HACE1: variants seen among roughly 807,000 people sequenced by gnomAD.
HACE1 encodes HECT domain and ankyrin repeat containing E3 ubiquitin protein ligase 1, also known as E3 ubiquitin-protein ligase HACE1.
In HACE1, 73 loss-of-function variants were observed where a neutral mutation model predicts 118.4. The ratio of observed to expected loss-of-function variants is 0.62; its 90% CI spans 0.51 to 0.75. The LOEUF (loss-of-function observed/expected upper bound fraction) is 0.75, where lower values mean the gene tolerates loss of function less well. Among genes scored for constraint, HACE1 ranks in the 30% least tolerant of loss-of-function variants. The pLI is 0.00. For missense variants in HACE1, 749 were observed against 1,102.2 expected (o/e 0.68, Z 4.54); for synonymous variants, 368 against 374.8 (o/e 0.98, Z 0.21).
chr6:104,845,469 G>A (rs1775562809), intron 4 of HACE1, among the ~76,000 whole-genome samples: 1 of 140,668 alleles, frequency 7.1e-6, no homozygotes, highest in Non-Finnish European at 1.5e-5. Flanking sequence ...ATAAAGCTCT[G>A]GGTAAACTTT....
chr6:104,859,613 G>T lies in HACE1; in HGVS notation c.30C>A (p.Arg10=). Residue 10 remains arginine (R), a synonymous_variant, in exon 1 of 24, where the codon CGC becomes CGA. Coordinates refer to ENST00000262903, the MANE Select transcript of HACE1 (RefSeq NM_020771.4). ...GCGCGCGGCGCAGCGAGCGCGTCAGGCGGTTGAGTTGCTCCATCGCTCTCT... is the reference window on the plus strand; with the variant it reads ...GCGCGCGGCGCAGCGAGCGCGTCAGTCGGTTGAGTTGCTCCATCGCTCTCT... The part of the protein sequence containing the change: MERAMEQLN[R]LTRSLRRART... 6.5e-7 allele frequency: 1 copy of T among 1,531,562 alleles called. No individual in the cohort carries two copies. 94.9% of individuals were successfully genotyped at this position (1,531,562 alleles called of 1,614,324 possible).
At chr6:104,853,089 A>G (rs1342907283) in intron 1 of HACE1, among the ~76,000 whole-genome samples, 2 of 152,178 alleles carry the variant, frequency 1.3e-5, no homozygotes, top group African/African-American at 4.8e-5. Flanking sequence ...CAATTGAGCC[A>G]TGAGGGCTCC....
chr6:104,779,492 G>C (rs946135069), intron 14 of HACE1, among the ~76,000 whole-genome samples: 2 of 152,138 alleles, frequency 1.3e-5, no homozygotes, highest in Non-Finnish European at 2.9e-5. Flanking sequence ...GTCCATACTT[G>C]TAACAGTCTT....
chr6:104,822,747 C>T (rs980395809), intron 6 of HACE1, among the ~76,000 whole-genome samples: 2 of 151,812 alleles, frequency 1.3e-5, no homozygotes, highest in Admixed American at 1.3e-4. Flanking sequence ...ATCCCAGCTA[C>T]TCAGGAGGCC....
chr6:104,812,735 C>G (rs1771758287), intron 6 of HACE1, among the ~76,000 whole-genome samples: 1 of 152,006 alleles, frequency 6.6e-6, no homozygotes, highest in Admixed American at 6.6e-5. Context: ...ATTCTTACTA[C>G]AGAACACACA....
At position 104,728,305 on chromosome 6, in the gene HACE1, A is replaced by G. The variant is rs545650280; in HGVS notation, c.*1357T>C. 1 of 152,288 alleles carries G rather than the reference A, an allele frequency of 6.6e-6. No homozygotes were observed. Among genetic ancestry groups the G allele is most frequent in the South Asian group, 2.1e-4 (1 of 4,832 alleles). 9.4% of individuals were successfully genotyped at this position (152,288 alleles called of 1,614,324 possible). On this transcript the variant is annotated 3_prime_UTR_variant, in exon 24 of 24. Transcript: ENST00000262903. Reference sequence around the variant, plus strand: ...TAAATTTCAAAAAATCAAAACATAAAACATTATTAGCTTCAGTTACTATAA... The same window carrying G: ...TAAATTTCAAAAAATCAAAACATAAGACATTATTAGCTTCAGTTACTATAA...
intron 22 of HACE1, among the ~76,000 whole-genome samples, chr6:104,739,168 G>A (rs150281830): frequency 0.017 from 2,636 of 152,120 alleles, 34 homozygotes; most frequent in East Asian, 0.04. Context: ...TGAAGGAAGC[G>A]CTAAACATGG....
intron 6 of HACE1, chr6:104,831,341 T>G (rs1773848562): frequency 6.6e-6 from 1 of 152,022 alleles, no homozygotes; most frequent in Non-Finnish European, 1.5e-5. Flanking sequence ...TCCCAGCACT[T>G]TGGGAGGCTG....
chr6:104,761,204 T>A (rs76177157), intron 19 of HACE1, among the ~76,000 whole-genome samples: 5,137 of 152,094 alleles, frequency 0.034, 273 homozygotes, highest in African/African-American at 0.12. Context: ...ACTAATTTAA[T>A]CTTCATATGG....
intron 5 of HACE1, among the ~76,000 whole-genome samples, chr6:104,838,055 G>A (rs1236122614): frequency 1.3e-5 from 2 of 152,016 alleles, no homozygotes; most frequent in African/African-American, 4.8e-5. Context: ...GCAAGAAACT[G>A]AAGAAGACAC....
chr6:104,773,977 A>G (rs1216927138), intron 17 of HACE1, among the ~76,000 whole-genome samples: 2 of 151,888 alleles, frequency 1.3e-5, no homozygotes, highest in Non-Finnish European at 2.9e-5. Flanking sequence ...ATAATAGCAT[A>G]TAATATTTAT....
At chr6:104,741,519 GACAA>G (rs769053546) in intron 22 of HACE1, among the ~76,000 whole-genome samples, 3,028 of 111,790 alleles carry the variant, frequency 0.027, 22 homozygotes, top group East Asian at 0.04. Context: ...ACCAACAACA[GACAA>G]ACAGAGAGCC....
At chr6:104,823,202 G>A (rs1422502138) in intron 6 of HACE1, among the ~76,000 whole-genome samples, 1 of 152,096 alleles carries the variant, frequency 6.6e-6, no homozygotes, top group Non-Finnish European at 1.5e-5. Flanking sequence ...ACTCTGGGAG[G>A]CCAGGTGGAT....
intron 11 of HACE1, among the ~76,000 whole-genome samples, chr6:104,789,783 T>G (rs916560183): frequency 6.6e-6 from 1 of 152,106 alleles, no homozygotes; most frequent in Non-Finnish European, 1.5e-5. Context: ...TCATTACTGA[T>G]GAGTAGAAAG....
At chr6:104,815,454 ACCTCCCAGGTTCCAGTGATTCTCCCG>A (rs1165021636) in intron 6 of HACE1, among the ~76,000 whole-genome samples, 2 of 133,740 alleles carry the variant, frequency 1.5e-5, no homozygotes, top group African/African-American at 6.1e-5. Flanking sequence ...TGCAACCTCC[ACCTCCCAGGTTCCAGTGATTCTCCCG>A]CCTCCCAGGT....
intron 20 of HACE1, among the ~76,000 whole-genome samples, chr6:104,748,505 T>G (rs1777688932): frequency 6.6e-6 from 1 of 152,128 alleles, no homozygotes; most frequent in Non-Finnish European, 1.5e-5. Flanking sequence ...ATGCATCACT[T>G]GAGAAACTAT....
intron 22 of HACE1, among the ~76,000 whole-genome samples, chr6:104,739,931 A>G (rs1211666454): frequency 1.3e-5 from 2 of 152,004 alleles, no homozygotes; most frequent in African/African-American, 4.8e-5. Flanking sequence ...AGCTCTCCTC[A>G]GCAAATGTAA....
chr6:104,836,577 G>A (rs1187931403), intron 5 of HACE1, among the ~76,000 whole-genome samples: 1 of 152,142 alleles, frequency 6.6e-6, no homozygotes, highest in Non-Finnish European at 1.5e-5. Flanking sequence ...GCTGGGCATG[G>A]TGGCACACAC....
rs569661685 is a variant in HACE1, at chr6:104,817,682, T to C, written c.535-6289A>G. On this transcript the variant is annotated intron_variant, in intron 6 of 23. Coordinates refer to ENST00000262903, the MANE Select transcript of HACE1 (RefSeq NM_020771.4). ...GGAAGAGATATTTTATAGGAGCATA[T>C]AGATGAAGAAACGCTGATTCATACA... Among the ~76,000 whole-genome samples the C allele has an allele frequency of 2.6e-5, 4 of 152,276 alleles. No homozygotes were observed. In the South Asian group the frequency reaches 6.2e-4, roughly 24 times the overall value.
Sources: allele counts gnomAD v4.1 joint callset (sites outside exome capture counted in the v4.1 genomes callset), GRCh38; gene constraint gnomAD v4.1.1; transcripts MANE v1.5; gene names NCBI Gene and HGNC (gene_info 2026-07-23, HGNC 2026-07-21).